Variants in SLC5A12 observed in about 807,000 individuals in gnomAD.
The protein encoded by SLC5A12 is sodium-coupled monocarboxylate transporter 2.
A neutral mutation model predicts 72.7 loss-of-function variants in SLC5A12; 46 were observed. That is an observed-to-expected ratio of 0.63 (90% CI 0.50 to 0.81). The LOEUF (loss-of-function observed/expected upper bound fraction) is 0.81. SLC5A12 is among the 30% of genes least tolerant of loss of function. SLC5A12 has a pLI of 0.00. For synonymous variants in SLC5A12, 275 were observed against 264.4 expected (o/e 1.04, Z -0.39); for missense variants, 683 against 740.7 (o/e 0.92, Z 0.90).
In SLC5A12 at chr11:26,721,131, C is replaced by A. The variant is rs537489695; in HGVS notation, c.339+245G>T. On this transcript the variant is annotated intron_variant, in intron 1 of 14. Transcript: ENST00000396005. ...TACAAATGAGGCCATACATTAAGTG[C>A]TCACATAGAGGTTCTCATTTGATCA... 4.4e-4 allele frequency among the ~76,000 whole-genome samples: 67 copies of A among 152,264 alleles called. No homozygotes were observed. In the Middle Eastern group the frequency reaches 0.01, roughly 23 times the overall value.
chr11:26,687,344 T>C (rs1477665454), intron 9 of SLC5A12, among the ~76,000 whole-genome samples: 2 of 152,226 alleles, frequency 1.3e-5, no homozygotes, highest in Non-Finnish European at 2.9e-5. Flanking sequence ...AGTAGCAGAT[T>C]GACAGAGATG....
intron 2 of SLC5A12, 23 bp downstream of exon 2, chr11:26,712,618 C>T: frequency 1.3e-6 from 2 of 1,504,272 alleles, no homozygotes; most frequent in Non-Finnish European, 1.8e-6. Flanking sequence ...GTTTCCACAT[C>T]TGCAGCAGCC....
intron 8 of SLC5A12, 117 bp downstream of exon 8, chr11:26,697,047 C>T (rs1854833495): frequency 7.4e-6 from 6 of 815,648 alleles, no homozygotes; most frequent in South Asian, 1.7e-5. Context: ...ATACAAATAA[C>T]ACATTCAGAA....
chr11:26,694,490 T>C (rs558656231), intron 8 of SLC5A12, among the ~76,000 whole-genome samples: 1 of 152,252 alleles, frequency 6.6e-6, no homozygotes, highest in South Asian at 2.1e-4. Flanking sequence ...TTACTGGTGT[T>C]TGAGTCTCTG....
At chr11:26,678,868 G>T in intron 12 of SLC5A12, 53 bp from the exon 13 acceptor site, 2 of 1,243,998 alleles carry the variant, frequency 1.6e-6, no homozygotes, top group African/African-American at 1.5e-5. Context: ...GACCCACAGT[G>T]ATGTAGAGGA....
intron 14 of SLC5A12, among the ~76,000 whole-genome samples, chr11:26,672,030 C>T (rs184738168): frequency 8.3e-4 from 127 of 152,252 alleles, no homozygotes; most frequent in Non-Finnish European, 1.4e-3. Context: ...GGACCCTCAC[C>T]TGGCTATGTT....
intron 4 of SLC5A12, among the ~76,000 whole-genome samples, chr11:26,705,958 A>G (rs1855078012): frequency 6.6e-6 from 1 of 150,664 alleles, no homozygotes; most frequent in Non-Finnish European, 1.5e-5. Flanking sequence ...ACACACACAC[A>G]CACACACACA....
intron 6 of SLC5A12, among the ~76,000 whole-genome samples, chr11:26,700,284 T>G (rs1056837857): frequency 6.6e-6 from 1 of 152,354 alleles, no homozygotes; most frequent in East Asian, 1.9e-4. Context: ...AAAGTCATTG[T>G]ATTTTGAATT....
intron 13 of SLC5A12, among the ~76,000 whole-genome samples, chr11:26,675,758 T>A (rs1854250178): frequency 6.6e-6 from 1 of 152,140 alleles, no homozygotes; most frequent in South Asian, 2.1e-4. Context: ...ATTCCCCACA[T>A]GGTCCCTCTA....
chr11:26,715,964 G>A (rs575920721), intron 1 of SLC5A12, among the ~76,000 whole-genome samples: 1 of 152,224 alleles, frequency 6.6e-6, no homozygotes, highest in African/African-American at 2.4e-5. Flanking sequence ...AACTAAAATT[G>A]TTATTTTGAG....
In SLC5A12 at chr11:26,702,152, T is replaced by C. The variant is rs536809836; in HGVS notation, c.821+1379A>G. ...TTTTCGGATCAAAGTCACATGCATT[T>C]TCAATGACACAGCTATTGGATAAAG... On this transcript the variant is annotated intron_variant, in intron 6 of 14. Transcript: ENST00000396005. Among the ~76,000 whole-genome samples the C allele has an allele frequency of 2.0e-5, 3 of 152,304 alleles. No individual in the cohort carries two copies. The South Asian group carries it at 6.2e-4, about 32-fold the overall frequency.
intron 1 of SLC5A12, among the ~76,000 whole-genome samples, chr11:26,717,138 C>T (rs1168773467): frequency 1.3e-5 from 2 of 151,980 alleles, no homozygotes; most frequent in African/African-American, 4.8e-5. Context: ...ACAATACCAC[C>T]ACTGTTATTT....
At chr11:26,688,799 G>T (rs549761274) in intron 9 of SLC5A12, among the ~76,000 whole-genome samples, 1 of 152,102 alleles carries the variant, frequency 6.6e-6, no homozygotes, top group Admixed American at 6.5e-5. Flanking sequence ...AGGAAAAACT[G>T]CAAGGAAATT....
At chr11:26,686,426 G>A in intron 10 of SLC5A12, 51 bp downstream of exon 10, 1 of 1,535,186 alleles carries the variant, frequency 6.5e-7, no homozygotes, top group Non-Finnish European at 9.0e-7. Flanking sequence ...TTAAAAGAGA[G>A]TGGGGGGAAG....
Position 26,681,051 on chromosome 11 carries a change from A to G in SLC5A12, c.1475+4T>C. 1 of 1,586,622 alleles carries G rather than the reference A, an allele frequency of 6.3e-7. No homozygotes were observed. On this transcript the variant is annotated splice_donor_region_variant and intron_variant, in intron 12 of 14. Transcript: ENST00000396005. ...ACTTAGCACCATCTATAAAGTCAGC[A>G]TACCTGCTGGATAGTACTGGAGGCC...
chr11:26,674,338 GAC>G (rs2133131343), intron 13 of SLC5A12, among the ~76,000 whole-genome samples: 1 of 148,266 alleles, frequency 6.7e-6, no homozygotes, highest in South Asian at 2.1e-4. Context: ...CAGATACTGT[GAC>G]CATCCACAAA....
rs188560508 is a variant in SLC5A12 at position 26,674,034 on chromosome 11, C to G, written c.1580-505G>C. Among the ~76,000 whole-genome samples the G allele has an allele frequency of 8.5e-5, 13 of 152,222 alleles. No individual in the cohort carries two copies. The East Asian group carries it at 1.5e-3, about 18-fold the overall frequency. On this transcript the variant is annotated intron_variant, in intron 13 of 14. Coordinates refer to ENST00000396005, the MANE Select transcript of SLC5A12 (RefSeq NM_178498.4). ...CCAGGTACTTTAAGCATTCCTCACACCTCCTCATGCCTCACACCCTCCTTT... is the reference window on the plus strand; with the variant it reads ...CCAGGTACTTTAAGCATTCCTCACAGCTCCTCATGCCTCACACCCTCCTTT...
chr11:26,709,171 A>G (rs1206925810), intron 4 of SLC5A12, 141 bp downstream of exon 4: 1 of 544,754 alleles, frequency 1.8e-6, no homozygotes, highest in Non-Finnish European at 3.2e-6. Context: ...TCCTCAGGAA[A>G]CTGTGACAGA....
Position 26,703,887 on chromosome 11 carries a change from A to T in SLC5A12, c.586T>A (p.Phe196Ile), listed in dbSNP as rs753288022. ...GATCCTTGAATGAGAACCGTTAAGA[A>T]GCCCACAATCATGACAACCATCTGA... ...AFQMVVMIVG[F>I]LTVLIQGSTH... is the part of the protein sequence containing the mutation. Residue 196 changes from phenylalanine (F) to isoleucine (I), a missense_variant, in exon 5 of 15, where the codon TTC becomes ATC. Physicochemically the swap from Phe to Ile is conservative, Grantham distance 21. Transcript: ENST00000396005. 6.2e-7 allele frequency: 1 copy of T among 1,613,964 alleles called. No homozygotes were observed. The highest frequency in any genetic ancestry group is 8.5e-7 in the Non-Finnish European group (1 of 1,179,864).
Sources: gnomAD v4.1 joint callset for allele counts (sites outside exome capture counted in the v4.1 genomes callset) on GRCh38, gnomAD v4.1.1 for gene constraint, MANE v1.5 for transcripts, NCBI Gene and HGNC (gene_info 2026-07-23, HGNC 2026-07-21) for gene names.